NMUR1: variants seen among roughly 807,000 people sequenced by gnomAD.
The protein encoded by NMUR1 is neuromedin U receptor 1.
A neutral mutation model predicts 18.8 loss-of-function variants in NMUR1; 16 were observed. The observed-to-expected ratio is 0.85, with a 90% CI of 0.58 to 1.29. The LOEUF (loss-of-function observed/expected upper bound fraction) is 1.29, where lower values mean the gene tolerates loss of function less well. Among genes scored for constraint, NMUR1 ranks in the 50% most tolerant of loss-of-function variants. The pLI, the probability that NMUR1 is intolerant of heterozygous loss-of-function variation, is 0.00. For missense variants in NMUR1, 529 were observed against 580.3 expected (o/e 0.91, Z 0.91); for synonymous variants, 258 against 258.2 (o/e 1.00, Z 0.01).
In NMUR1 at chr2:231,528,139, T is replaced by C. The variant is rs1243917746; in HGVS notation, c.882A>G (p.Gln294=). The C allele has an allele frequency of 3.9e-6, 6 of 1,551,584 alleles. No individual in the cohort carries two copies. Among genetic ancestry groups the C allele is most frequent in the Non-Finnish European group, 5.2e-6 (6 of 1,147,054 alleles). The stretch of plus-strand genomic sequence containing the variant: ...GACACTTACACAGCATCTTGGTCAC[T>C]TGTCTCCGGCCCCGATCGTGCTGCT... The part of the protein sequence containing the change: ...RLQQHDRGRR[Q]VTKMLFVLVV... The change falls in exon 2 of 3, where the codon CAA becomes CAG. Residue 294 remains glutamine (Q), a synonymous_variant. Transcript: ENST00000305141.
downstream of NMUR1, among the ~76,000 whole-genome samples, chr2:231,522,626 A>C (rs1444145684): frequency 1.4e-5 from 2 of 145,684 alleles, no homozygotes; most frequent in African/African-American, 5.1e-5. Context: ...CCCTCCCCCA[A>C]GGCCCACTTC....
At chr2:231,522,403 A>C (rs1198756205), downstream of NMUR1, among the ~76,000 whole-genome samples, 1 of 151,964 alleles carries the variant, frequency 6.6e-6, no homozygotes, top group Non-Finnish European at 1.5e-5. Flanking sequence ...TGGTTGAAGC[A>C]GGCCTCTGGG....
In NMUR1 at chr2:231,525,277, C is replaced by A; in HGVS notation, c.1047G>T (p.Ser349=). ...VISGIFFYLG[S]AANPVLYSLM... ...GGCTATAGAGCACGGGGTTGGCCGC[C>A]GAGCCCAGGTAGAAGAAGATGCCGG... Residue 349 remains serine (S), a synonymous_variant, in exon 3 of 3, where the codon TCG becomes TCT. Coordinates refer to ENST00000305141, the MANE Select transcript of NMUR1 (RefSeq NM_006056.5). 2.5e-6 allele frequency: 4 copies of A among 1,614,144 alleles called. No homozygotes were observed. Among genetic ancestry groups the A allele is most frequent in the Non-Finnish European group, 3.4e-6 (4 of 1,180,022 alleles).
Position 231,525,093 on chromosome 2 carries a change from G to A in NMUR1, c.1231C>T (p.Leu411=), listed in dbSNP as rs1236443790. The A allele has an allele frequency of 3.7e-6, 6 of 1,608,886 alleles. No homozygotes were observed. In the African/African-American group the frequency reaches 5.3e-5, roughly 14 times the overall value. ...VGSLGSWVHP[L]AGNDGPEAQQ... is the part of the protein sequence containing the mutation. ...GCCTCTGGGCCATCGTTCCCAGCCA[G>A]GGGGTGGACCCAGCTGCCCAGGGAG... The change falls in exon 3 of 3, where the codon CTG becomes TTG. Residue 411 remains leucine, a synonymous_variant. Coordinates refer to ENST00000305141, the MANE Select transcript of NMUR1 (RefSeq NM_006056.5).
chr2:231,528,134 G>A lies in NMUR1; in HGVS notation c.887C>T (p.Thr296Ile). Residue 296 changes from threonine (T) to isoleucine (I), a missense_variant, in exon 2 of 3, where the codon ACC becomes ATC. Physicochemically the swap from Thr to Ile is moderately conservative, Grantham distance 89. Coordinates refer to ENST00000305141, the MANE Select transcript of NMUR1 (RefSeq NM_006056.5). ...GCCGTGACACTTACACAGCATCTTGGTCACTTGTCTCCGGCCCCGATCGTG... is the reference window on the plus strand; with the variant it reads ...GCCGTGACACTTACACAGCATCTTGATCACTTGTCTCCGGCCCCGATCGTG... ...QQHDRGRRQV[T>I]KMLFVLVVVF... The A allele has an allele frequency of 1.3e-6, 2 of 1,548,938 alleles. No individual in the cohort carries two copies. Among genetic ancestry groups the A allele is most frequent in the Non-Finnish European group, 1.7e-6 (2 of 1,145,874 alleles).
At position 231,529,332 on chromosome 2, in the gene NMUR1, C is replaced by T. The variant is rs149139439; in HGVS notation, c.4-315G>A. Among the ~76,000 whole-genome samples, 933 of 152,182 alleles carry T rather than the reference C, an allele frequency of 6.1e-3. 2 individuals carry two copies. Among genetic ancestry groups the T allele is most frequent in the Non-Finnish European group, 9.8e-3 (665 of 68,008 alleles). On this transcript the variant is annotated intron_variant, in intron 1 of 2. Transcript: ENST00000305141. ...AAAAGTAGCCGGGCGTGGTAGCACA[C>T]GCCTGTAATTCCAGCTACTTGGGAG...
At chr2:231,527,999 C>CACACACACACACACA in intron 2 of NMUR1, 124 bp downstream of exon 2, 1 of 959,798 alleles carries the variant, frequency 1.0e-6, no homozygotes, top group East Asian at 2.5e-5. Flanking sequence ...CACACACACA[C>CACACACACACACACA]GAGACTAGAG....
chr2:231,518,455 G>A (rs1353814445), downstream of NMUR1, among the ~76,000 whole-genome samples: 1 of 152,002 alleles, frequency 6.6e-6, no homozygotes, highest in African/African-American at 2.4e-5. Flanking sequence ...CAGGCGATCC[G>A]CCTGCCTCAG....
chr2:231,524,567 A>G lies in NMUR1; in HGVS notation c.*476T>C. ...GAGACTCTGTCTCAGAAAAAAAGAA[A>G]GGTAGACTGATATGCTTGATGGTGC... is the stretch of plus-strand genomic sequence containing the variant. On this transcript the variant is annotated 3_prime_UTR_variant, in exon 3 of 3. Coordinates refer to ENST00000305141, the MANE Select transcript of NMUR1 (RefSeq NM_006056.5). 6.4e-6 allele frequency: 1 copy of G among 155,850 alleles called. No individual in the cohort carries two copies. Among genetic ancestry groups the G allele is most frequent in the Non-Finnish European group, 1.4e-5 (1 of 70,454 alleles). 9.7% of individuals were successfully genotyped at this position (155,850 alleles called of 1,614,324 possible).
At position 231,530,361 on chromosome 2, in the gene NMUR1, TGCGGCCC is replaced by T. The variant is rs749247622; in HGVS notation, c.-7_-1del. ...CACGCCGGCGCCTGCGCACCTACCA[TGCGGCCC>T]GCGGCCCGCGAGACCCCGGCTTCCA... On this transcript the variant is annotated 5_prime_UTR_variant, in exon 1 of 3. Coordinates refer to ENST00000305141, the MANE Select transcript of NMUR1 (RefSeq NM_006056.5). 2 of 1,488,774 alleles carry T rather than the reference TGCGGCCC, an allele frequency of 1.3e-6. No homozygotes were observed. The highest frequency in any genetic ancestry group is 1.8e-6 in the Non-Finnish European group (2 of 1,126,732). The allele number at this position is 1,488,774 out of a possible 1,614,324, so 92.2% of individuals were successfully genotyped here.
intron 1 of NMUR1, among the ~76,000 whole-genome samples, chr2:231,529,897 G>T (rs1217043979): frequency 6.6e-6 from 1 of 152,238 alleles, no homozygotes; most frequent in Non-Finnish European, 1.5e-5. Context: ...GTCAAGTGAG[G>T]GAGTGTCAAG....
chr2:231,525,560 G>T, intron 2 of NMUR1, 135 bp from the exon 3 acceptor site: 1 of 1,066,424 alleles, frequency 9.4e-7, no homozygotes, highest in Non-Finnish European at 1.3e-6. Context: ...CCAGGTGGAA[G>T]TTTCTGGAAA....
chr2:231,529,125 T>C, intron 1 of NMUR1, 108 bp from the exon 2 acceptor site: 1 of 1,100,164 alleles, frequency 9.1e-7, no homozygotes, highest in South Asian at 1.7e-5. Context: ...ACCATTATTT[T>C]AGGCACCACT....
chr2:231,521,930 A>T (rs4973437), downstream of NMUR1, among the ~76,000 whole-genome samples: 41,424 of 148,462 alleles, frequency 0.28, 6,401 homozygotes, highest in East Asian at 0.5. Context: ...TGCTGCGGAG[A>T]CATACATGGT....
At chr2:231,522,336 A>T (rs905978695), downstream of NMUR1, among the ~76,000 whole-genome samples, 1 of 151,798 alleles carries the variant, frequency 6.6e-6, no homozygotes, top group East Asian at 1.9e-4. Context: ...CTGCCTGCAC[A>T]TGGAGGCCCT....
chr2:231,519,170 T>C (rs148597382), downstream of NMUR1, among the ~76,000 whole-genome samples: 487 of 152,344 alleles, frequency 3.2e-3, 3 homozygotes, highest in African/African-American at 0.011. Context: ...AAGAAGGGGC[T>C]TGAATGTTAG....
rs374111870 is a variant in NMUR1 at position 231,525,151 on chromosome 2, C to T, written c.1173G>A (p.Arg391=). ...RPRHSSHSLS[R]MTTGSTLCDV... ...CACACAGGGTGCTGCCTGTGGTCAT[C>T]CTGCTGAGGCTGTGGGAGCTGTGGC... Residue 391 remains arginine (R), a synonymous_variant, in exon 3 of 3, where the codon AGG becomes AGA. Coordinates refer to ENST00000305141, the MANE Select transcript of NMUR1 (RefSeq NM_006056.5). 6.2e-7 allele frequency: 1 copy of T among 1,613,990 alleles called. No homozygotes were observed. The highest frequency in any genetic ancestry group is 1.1e-5 in the South Asian group (1 of 91,086).
chr2:231,528,269 T>C lies in NMUR1; in HGVS notation c.752A>G (p.Tyr251Cys), dbSNP rs750476073. ...CLPMAIMSVL[Y>C]LLIGLRLRRE... ...CCGCAGTCGCAGCCCAATGAGCAGG[T>C]AGAGCACGCTCATGATGGCCATGGG... The change falls in exon 2 of 3, where the codon TAC becomes TGC. Residue 251 changes from tyrosine to cysteine, a missense_variant. Physicochemically the swap from Tyr to Cys is radical, Grantham distance 194 (BLOSUM62 -2). Coordinates refer to ENST00000305141, the MANE Select transcript of NMUR1 (RefSeq NM_006056.5). The C allele has an allele frequency of 7.4e-6, 12 of 1,613,960 alleles. No individual in the cohort carries two copies. Among genetic ancestry groups the C allele is most frequent in the Non-Finnish European group, 1.0e-5 (12 of 1,179,934 alleles).
rs2047387786 is a variant in NMUR1 at position 231,528,884 on chromosome 2, G to T, written c.137C>A (p.Ala46Glu). 6.2e-7 allele frequency: 1 copy of T among 1,614,242 alleles called. No individual in the cohort carries two copies. The highest frequency in any genetic ancestry group is 8.5e-7 in the Non-Finnish European group (1 of 1,180,050). Reference protein sequence around the residue: ...DPEDLNLTDEALRLKYLGPQQ... With the variant: ...DPEDLNLTDEELRLKYLGPQQ... ...GGGCCCCAGGTACTTGAGTCTCAGT[G>T]CCTCGTCAGTCAGGTTCAAGTCCTC... is the stretch of plus-strand genomic sequence containing the variant. The change falls in exon 2 of 3, where the codon GCA becomes GAA. Residue 46 changes from alanine (A) to glutamate (E), a missense_variant. Physicochemically the swap from Ala to Glu is moderately radical, Grantham distance 107. Coordinates refer to ENST00000305141, the MANE Select transcript of NMUR1 (RefSeq NM_006056.5).
Sources: gnomAD v4.1 joint callset for allele counts (sites outside exome capture counted in the v4.1 genomes callset) on GRCh38, gnomAD v4.1.1 for gene constraint, MANE v1.5 for transcripts, NCBI Gene and HGNC (gene_info 2026-07-23, HGNC 2026-07-21) for gene names.